DCAF8: variants seen among roughly 807,000 people sequenced by gnomAD.
The protein encoded by DCAF8 is DDB1- and CUL4-associated factor 8.
In DCAF8, 20 loss-of-function variants were observed where a neutral mutation model predicts 68.0. The observed-to-expected ratio is 0.29, with a 90% confidence interval of 0.21 to 0.43. DCAF8 has a LOEUF of 0.43. DCAF8 is among the 20% of genes least tolerant of loss of function. The pLI, the probability that DCAF8 is intolerant of heterozygous loss-of-function variation, is 1.00. For missense variants in DCAF8, 460 were observed against 771.0 expected, an observed-to-expected ratio of 0.60 and a Z score of 4.78; for synonymous variants, 230 against 276.9, an observed-to-expected ratio of 0.83 and a Z score of 1.68.
At chr1:160,224,923 C>A in intron 9 of DCAF8, 139 bp downstream of exon 9, 1 of 786,236 alleles carries the variant, frequency 1.3e-6, no homozygotes. Flanking sequence ...ATGTGCTCAC[C>A]ATCAGCAGTT....
intron 7 of DCAF8, among the ~76,000 whole-genome samples, chr1:160,229,010 C>T (rs992098948): frequency 6.6e-6 from 1 of 152,104 alleles, no homozygotes. Flanking sequence ...GCCTCAAAAT[C>T]TTCACATAGC....
At chr1:160,256,758 T>C (rs1178786177) in intron 2 of DCAF8, among the ~76,000 whole-genome samples, 1 of 152,240 alleles carries the variant, frequency 6.6e-6, no homozygotes, top group African/African-American at 2.4e-5. Flanking sequence ...CTTTGTCATA[T>C]TAATTACTCC....
intron 13 of DCAF8, 83 bp from the exon 14 acceptor site, chr1:160,217,791 T>G: frequency 1.8e-6 from 2 of 1,085,350 alleles, no homozygotes; most frequent in South Asian, 2.7e-5. Flanking sequence ...ATTTAGATGC[T>G]TTAGGCCAGA....
At chr1:160,238,917 T>A in intron 4 of DCAF8, 170 bp from the exon 5 acceptor site, 1 of 825,336 alleles carries the variant, frequency 1.2e-6, no homozygotes, top group Non-Finnish European at 1.8e-6. Context: ...TTCCAGGAGT[T>A]AAAGGAAAGG....
chr1:160,234,306 T>C (rs1341651158), intron 6 of DCAF8, among the ~76,000 whole-genome samples: 4 of 151,808 alleles, frequency 2.6e-5, no homozygotes, highest in African/African-American at 4.8e-5. Flanking sequence ...TGCCAGCCTG[T>C]AACACTACTT....
chr1:160,217,518 G>C lies in DCAF8; in HGVS notation c.*74C>G. Reference sequence around the variant, plus strand: ...AAAGTGCGTTTCTGCTGAATGTAGGGCCTGGGACAGGAAAGGGTTGCCCAG... The same window carrying C: ...AAAGTGCGTTTCTGCTGAATGTAGGCCCTGGGACAGGAAAGGGTTGCCCAG... On this transcript the variant is annotated 3_prime_UTR_variant, in exon 14 of 14. Transcript: ENST00000368074. 1 of 1,103,646 alleles carries C rather than the reference G, an allele frequency of 9.1e-7. No individual in the cohort carries two copies. 68.4% of individuals were successfully genotyped at this position (1,103,646 alleles called of 1,614,324 possible).
intron 12 of DCAF8, 49 bp from the exon 13 acceptor site, chr1:160,218,489 C>T (rs191844332): frequency 7.2e-6 from 10 of 1,383,746 alleles, no homozygotes; most frequent in African/African-American, 2.8e-5. Flanking sequence ...AAGAGGAACC[C>T]GGGACCTGAT....
intron 2 of DCAF8, among the ~76,000 whole-genome samples, chr1:160,249,177 G>A (rs183993086): frequency 1.3e-5 from 2 of 152,004 alleles, no homozygotes; most frequent in African/African-American, 4.8e-5. Flanking sequence ...GGCAACAGAG[G>A]AGACTCCATC....
chr1:160,234,717 C>CA (rs1443942627), intron 6 of DCAF8, among the ~76,000 whole-genome samples: 2 of 152,174 alleles, frequency 1.3e-5, no homozygotes, highest in Non-Finnish European at 2.9e-5. Context: ...ATTACCATTA[C>CA]AGAACCCTGG....
intron 2 of DCAF8, among the ~76,000 whole-genome samples, chr1:160,259,111 T>C (rs1557844819): frequency 1.3e-5 from 2 of 152,212 alleles, no homozygotes; most frequent in South Asian, 2.1e-4. Context: ...GCTGCTTTCA[T>C]TGTGATATTA....
In DCAF8 at chr1:160,215,915, T is replaced by G. The variant is rs1457000801; in HGVS notation, c.*1677A>C. ...GGAAAAGGGGCAGGAGGAAGAAGTA[T>G]CTGGGAATACCATTCTCTCACTCTT... On this transcript the variant is annotated 3_prime_UTR_variant, in exon 14 of 14. Coordinates refer to ENST00000368074, the MANE Select transcript of DCAF8 (RefSeq NM_015726.4). The G allele has an allele frequency of 6.6e-6, 1 of 152,110 alleles. No individual in the cohort carries two copies. Among genetic ancestry groups the G allele is most frequent in the East Asian group, 1.9e-4 (1 of 5,184 alleles). 9.4% of individuals were successfully genotyped at this position (152,110 alleles called of 1,614,324 possible). A position where few individuals can be genotyped will look rare whatever the true frequency, so the allele number is the denominator to read the frequency against.
chr1:160,243,950 G>A lies in DCAF8; in HGVS notation c.49+10C>T. ...GTAAAAATAGCTTCACCTTCATTTT[G>A]GCCCCTTACCATTAGCTAAGTCTGT... On this transcript the variant is annotated intron_variant, in intron 3 of 13. Transcript: ENST00000368074. 6.2e-7 allele frequency: 1 copy of A among 1,613,542 alleles called. No homozygotes were observed. The highest frequency in any genetic ancestry group is 8.5e-7 in the Non-Finnish European group (1 of 1,179,632).
chr1:160,225,535 C>T, intron 8 of DCAF8, 56 bp downstream of exon 8: 1 of 1,392,540 alleles, frequency 7.2e-7, no homozygotes, highest in Non-Finnish European at 1.0e-6. Context: ...AGTTCAGGTG[C>T]AGCCTTGGGG....
rs577012239 is a variant in DCAF8 at position 160,238,717 on chromosome 1, T to G, written c.754A>C (p.Thr252Pro). The change falls in exon 5 of 14, where the codon ACT (threonine) becomes CCT (proline). Residue 252 changes from threonine to proline, a missense_variant. Physicochemically the swap from Thr to Pro is conservative, Grantham distance 38. Transcript: ENST00000368074. Reference sequence around the variant, plus strand: ...CCGTCACGGGCACACATGGCCAGAGTAGAATCACCACTGTTAGGAAGAAAC... The same window carrying G: ...CCGTCACGGGCACACATGGCCAGAGGAGAATCACCACTGTTAGGAAGAAAC... ...AKFLPNSGDS[T>P]LAMCARDGQV... is the part of the protein sequence containing the mutation. The G allele has an allele frequency of 2.5e-6, 4 of 1,612,302 alleles. No individual in the cohort carries two copies. The highest frequency in any genetic ancestry group is 1.3e-5 in the African/African-American group (1 of 74,754).
At chr1:160,222,141 T>A (rs1655322911) in intron 11 of DCAF8, among the ~76,000 whole-genome samples, 1 of 152,236 alleles carries the variant, frequency 6.6e-6, no homozygotes, top group Non-Finnish European at 1.5e-5. Flanking sequence ...ATATTCTAAG[T>A]AATCAAATCA....
intron 2 of DCAF8, among the ~76,000 whole-genome samples, chr1:160,259,793 C>T (rs1176958440): frequency 6.6e-6 from 1 of 152,138 alleles, no homozygotes; most frequent in African/African-American, 2.4e-5. Flanking sequence ...GGTGTGCTAA[C>T]AGAGAGTCCA....
chr1:160,223,499 C>T (rs1225189538), intron 10 of DCAF8, among the ~76,000 whole-genome samples: 2 of 152,222 alleles, frequency 1.3e-5, no homozygotes, highest in African/African-American at 4.8e-5. Flanking sequence ...GATTCCTCAA[C>T]TTTCCTGGAC....
intron 6 of DCAF8, among the ~76,000 whole-genome samples, chr1:160,232,364 C>T (rs187186557): frequency 6.8e-4 from 103 of 152,048 alleles, no homozygotes; most frequent in Non-Finnish European, 3.8e-4. Flanking sequence ...TATAAAAAGC[C>T]GGGTGCGGTG....
chr1:160,239,252 G>T, intron 4 of DCAF8: 1 of 1,106,698 alleles, frequency 9.0e-7, no homozygotes, highest in Non-Finnish European at 1.1e-6. Context: ...TTAAGTACCA[G>T]TCACAGTTCT....
Sources: gnomAD v4.1 joint callset for allele counts (sites outside exome capture counted in the v4.1 genomes callset) on GRCh38, gnomAD v4.1.1 for gene constraint, MANE v1.5 for transcripts, NCBI Gene and HGNC (gene_info 2026-07-23, HGNC 2026-07-21) for gene names.